CNTLN: variants seen among roughly 807,000 people sequenced by gnomAD.
CNTLN encodes the protein centlein.
In CNTLN, 212 loss-of-function variants were observed where a neutral mutation model predicts 180.0. The observed-to-expected ratio is 1.18, with a 90% confidence interval of 1.05 to 1.32. The LOEUF (loss-of-function observed/expected upper bound fraction) is 1.32. Among genes scored for constraint, CNTLN ranks in the 40% most tolerant of loss-of-function variants. The probability of loss-of-function intolerance (pLI) is 0.00; values close to 1 mark genes in which losing one functional copy is unlikely to be tolerated. For synonymous variants in CNTLN, 722 were observed against 563.1 expected (o/e 1.28, Z -3.99); for missense variants, 2,095 against 1,610.9 (o/e 1.30, Z -5.14).
At chr9:17,500,157 A>G (rs914390228) in intron 25 of CNTLN, among the ~76,000 whole-genome samples, 8 of 152,214 alleles carry the variant, frequency 5.3e-5, no homozygotes, top group Non-Finnish European at 1.0e-4. Flanking sequence ...AAAAGCTTAA[A>G]GGAAGCTTAT....
intron 5 of CNTLN, among the ~76,000 whole-genome samples, chr9:17,236,997 A>C (rs952545897): frequency 6.6e-6 from 1 of 152,156 alleles, no homozygotes; most frequent in Non-Finnish European, 1.5e-5. Context: ...CAGTTAAACA[A>C]TACAAATACG....
chr9:17,377,983 C>G (rs972848432), intron 13 of CNTLN, among the ~76,000 whole-genome samples: 10 of 152,142 alleles, frequency 6.6e-5, no homozygotes, highest in Non-Finnish European at 1.3e-4. Context: ...AAGGATTTCT[C>G]TTTTGCATAT....
intron 1 of CNTLN, among the ~76,000 whole-genome samples, chr9:17,142,203 G>A (rs1480358851): frequency 6.6e-6 from 1 of 152,084 alleles, no homozygotes; most frequent in Non-Finnish European, 1.5e-5. Flanking sequence ...TTTGAATGCG[G>A]CCTAACACAA....
chr9:17,463,017 T>C lies in CNTLN; in HGVS notation c.3404+4T>C. 6.4e-7 allele frequency: 1 copy of C among 1,551,044 alleles called. No individual in the cohort carries two copies. Among genetic ancestry groups the C allele is most frequent in the Non-Finnish European group, 8.7e-7 (1 of 1,143,200 alleles). On this transcript the variant is annotated splice_donor_region_variant and intron_variant, in intron 20 of 25. Coordinates refer to ENST00000380647, the MANE Select transcript of CNTLN (RefSeq NM_017738.4). ...ACATAAAGGAAATGCATGAAAAGTATGGTTTTTGTATTTCTATCCATTGTA... is the reference window on the plus strand; with the variant it reads ...ACATAAAGGAAATGCATGAAAAGTACGGTTTTTGTATTTCTATCCATTGTA...
At chr9:17,207,470 G>C (rs1012461295) in intron 2 of CNTLN, among the ~76,000 whole-genome samples, 1 of 152,138 alleles carries the variant, frequency 6.6e-6, no homozygotes, top group African/African-American at 2.4e-5. Flanking sequence ...TTGAGACCCA[G>C]GTCCCTGGTG....
intron 2 of CNTLN, among the ~76,000 whole-genome samples, chr9:17,147,480 C>G (rs1396347695): frequency 6.6e-6 from 1 of 152,116 alleles, no homozygotes; most frequent in Non-Finnish European, 1.5e-5. Flanking sequence ...TCTGGGGCCT[C>G]TTCTATGAAA....
chr9:17,475,463 TAAA>T (rs1340558675), intron 23 of CNTLN, among the ~76,000 whole-genome samples: 1 of 115,418 alleles, frequency 8.7e-6, no homozygotes, highest in African/African-American at 3.4e-5. Flanking sequence ...AAAAAAGAAA[TAAA>T]GAAAGCTCCA....
chr9:17,487,779 T>A (rs1479475905), intron 25 of CNTLN, among the ~76,000 whole-genome samples: 1 of 152,086 alleles, frequency 6.6e-6, no homozygotes, highest in Non-Finnish European at 1.5e-5. Flanking sequence ...TTTCAAGTAT[T>A]TTTTTAATAC....
chr9:17,438,425 G>A (rs1207408895), intron 18 of CNTLN, among the ~76,000 whole-genome samples: 2 of 152,072 alleles, frequency 1.3e-5, no homozygotes, highest in Non-Finnish European at 2.9e-5. Context: ...GAAAAAAGAG[G>A]TATTTAAGAT....
chr9:17,298,902 G>A (rs1818142823), intron 7 of CNTLN: 2 of 985,072 alleles, frequency 2.0e-6, no homozygotes, highest in Non-Finnish European at 2.4e-6. Flanking sequence ...AAGTATTTAG[G>A]TGTGCTAACT....
At chr9:17,268,541 G>C (rs1587422788) in intron 5 of CNTLN, among the ~76,000 whole-genome samples, 1 of 152,166 alleles carries the variant, frequency 6.6e-6, no homozygotes, top group African/African-American at 2.4e-5. Flanking sequence ...GCCGCGTGCT[G>C]CGAGAACCAC....
intron 1 of CNTLN, among the ~76,000 whole-genome samples, chr9:17,135,789 G>A (rs765171744): frequency 6.6e-6 from 1 of 152,232 alleles, no homozygotes; most frequent in Non-Finnish European, 1.5e-5. Context: ...CAGTCCACTA[G>A]TTGAAATGAA....
At chr9:17,231,386 G>A (rs944589959) in intron 3 of CNTLN, among the ~76,000 whole-genome samples, 1 of 151,514 alleles carries the variant, frequency 6.6e-6, no homozygotes, top group African/African-American at 2.4e-5. Context: ...ACTTTCCTAG[G>A]GTGCAATCTA....
intron 13 of CNTLN, among the ~76,000 whole-genome samples, chr9:17,381,124 C>G (rs995995541): frequency 1.3e-5 from 2 of 152,192 alleles, no homozygotes; most frequent in Non-Finnish European, 2.9e-5. Flanking sequence ...TCTACTAGGC[C>G]TTGCATTATT....
At chr9:17,139,043 A>T (rs188490929) in intron 1 of CNTLN, among the ~76,000 whole-genome samples, 82 of 152,214 alleles carry the variant, frequency 5.4e-4, no homozygotes, top group African/African-American at 1.5e-3. Flanking sequence ...TTATTATTTG[A>T]TTCTGTTTGG....
At chr9:17,366,107 T>A (rs1930638) in intron 12 of CNTLN, among the ~76,000 whole-genome samples, 145,798 of 152,250 alleles carry the variant, frequency 0.96, 70,123 homozygotes, top group East Asian at 1. Flanking sequence ...TGTAGTTTTT[T>A]GGATTTGGGC....
At chr9:17,310,701 A>G (rs1819072555) in intron 8 of CNTLN, among the ~76,000 whole-genome samples, 1 of 152,156 alleles carries the variant, frequency 6.6e-6, no homozygotes, top group Non-Finnish European at 1.5e-5. Flanking sequence ...TATAAAAGAG[A>G]TCTGGTTGTT....
chr9:17,220,548 G>T (rs931498029), intron 2 of CNTLN, among the ~76,000 whole-genome samples: 13 of 152,020 alleles, frequency 8.6e-5, no homozygotes, highest in Admixed American at 5.2e-4. Flanking sequence ...ATTAAGCCTA[G>T]TACCCATTAG....
At chr9:17,167,226 C>T (rs1404052963) in intron 2 of CNTLN, 1 of 165,006 alleles carries the variant, frequency 6.1e-6, no homozygotes, top group Non-Finnish European at 1.3e-5. Flanking sequence ...CACTTACTTG[C>T]AGGATTCCAA....
Sources: allele counts gnomAD v4.1 joint callset (sites outside exome capture counted in the v4.1 genomes callset), GRCh38; gene constraint gnomAD v4.1.1; transcripts MANE v1.5; gene names NCBI Gene and HGNC (gene_info 2026-07-23, HGNC 2026-07-21).